Variants in BFAR observed in about 807,000 individuals in gnomAD.
The protein encoded by BFAR is RING finger protein 47.
A neutral mutation model predicts 54.4 loss-of-function variants in BFAR; 52 were observed. The ratio of observed to expected loss-of-function variants is 0.96; its 90% CI spans 0.77 to 1.21. BFAR has a LOEUF of 1.21. Among genes scored for constraint, BFAR ranks in the 50% most tolerant of loss-of-function variants. The pLI, the probability that BFAR is intolerant of heterozygous loss-of-function variation, is 0.00. For missense variants in BFAR, 571 were observed against 534.0 expected (o/e 1.07, Z -0.68); for synonymous variants, 215 against 204.3 (o/e 1.05, Z -0.45).
At chr16:14,651,365 A>G (rs1043694905) in intron 4 of BFAR, among the ~76,000 whole-genome samples, 1 of 152,214 alleles carries the variant, frequency 6.6e-6, no homozygotes, top group Non-Finnish European at 1.5e-5. Context: ...ACTTAGGGCA[A>G]GGTATGGGGG....
At chr16:14,662,119 G>T in intron 6 of BFAR, 54 bp downstream of exon 6, 1 of 1,595,702 alleles carries the variant, frequency 6.3e-7, no homozygotes, top group Non-Finnish European at 8.6e-7. Context: ...GTTATTTGCA[G>T]AGATTGCTAC....
chr16:14,667,787 T>C lies in BFAR; in HGVS notation c.1313T>C (p.Val438Ala). The C allele has an allele frequency of 1.2e-6, 2 of 1,614,168 alleles. No individual in the cohort carries two copies. Among genetic ancestry groups the C allele is most frequent in the Non-Finnish European group, 1.7e-6 (2 of 1,180,028 alleles). ...AACCCAATTATTAACATTGATCTTG[T>C]GGTCAAGGAACTCCGGCGGCTGGAA... ...YFNPIINIDL[V>A]VKELRRLETQ... is the part of the protein sequence containing the mutation. Residue 438 changes from valine to alanine, a missense_variant, in exon 8 of 8, where the codon GTG (valine) becomes GCG (alanine). Transcript: ENST00000261658.
chr16:14,664,970 G>C lies in BFAR; in HGVS notation c.1059G>C (p.Glu353Asp). ...CTGAGTTTGCTTGGGACTGGTTGGA[G>C]GTCCATTACTGGACATCACGGTTTC... ...LIAEFAWDWL[E>D]VHYWTSRFLI... The change falls in exon 7 of 8, where the codon GAG (glutamate) becomes GAC (aspartate). Residue 353 changes from glutamate to aspartate, a missense_variant. Physicochemically the swap from Glu to Asp is conservative, Grantham distance 45 (BLOSUM62 2). Transcript: ENST00000261658. 1 of 1,613,416 alleles carries C rather than the reference G, an allele frequency of 6.2e-7. No homozygotes were observed. The highest frequency in any genetic ancestry group is 2.2e-5 in the East Asian group (1 of 44,878).
intron 1 of BFAR, among the ~76,000 whole-genome samples, chr16:14,641,111 A>G (rs1959611374): frequency 6.6e-6 from 1 of 152,230 alleles, no homozygotes; most frequent in Non-Finnish European, 1.5e-5. Flanking sequence ...GAACTAAGTA[A>G]TTATTGCTTC....
At chr16:14,643,496 A>C (rs527470744) in intron 1 of BFAR, among the ~76,000 whole-genome samples, 2 of 152,314 alleles carry the variant, frequency 1.3e-5, no homozygotes, top group African/African-American at 4.8e-5. Flanking sequence ...CCAGAAAGAA[A>C]TTGAATGCTG....
chr16:14,664,229 A>G lies in BFAR; in HGVS notation c.958-640A>G, dbSNP rs142273455. Among the ~76,000 whole-genome samples, 152 of 152,112 alleles carry G rather than the reference A, an allele frequency of 1.0e-3. 1 individual carries two copies. The highest frequency in any genetic ancestry group is 3.4e-3 in the Middle Eastern group (1 of 294). On this transcript the variant is annotated intron_variant, in intron 6 of 7. Transcript: ENST00000261658. ...AAGGGGCATACATGCTTCAGAAGGG[A>G]TGTGCAGAACAATTGCTTAGGGTCG... is the stretch of plus-strand genomic sequence containing the variant.
intron 2 of BFAR, among the ~76,000 whole-genome samples, chr16:14,644,988 G>A (rs942408774): frequency 3.3e-5 from 5 of 152,160 alleles, no homozygotes; most frequent in African/African-American, 1.2e-4. Context: ...AGGAAAGAAA[G>A]AAAGTCTGGT....
intron 5 of BFAR, among the ~76,000 whole-genome samples, chr16:14,658,552 A>G (rs902549679): frequency 1.3e-5 from 2 of 152,112 alleles, no homozygotes; most frequent in African/African-American, 4.8e-5. Context: ...TAACACAGTG[A>G]AACCCCATCT....
rs80083173 is a variant in BFAR, at chr16:14,666,635, C to A, written c.1161-1000C>A. 9.2e-3 allele frequency among the ~76,000 whole-genome samples: 1,405 copies of A among 152,226 alleles called. 23 individuals are homozygous for A. Among genetic ancestry groups the A allele is most frequent in the African/African-American group, 0.032 (1,317 of 41,538 alleles). Reference sequence around the variant, plus strand: ...AAGGGACAGGCAGAAGTAACACTGCCACCCTTGCAGCCTTTTACCTTGACA... The same window carrying A: ...AAGGGACAGGCAGAAGTAACACTGCAACCCTTGCAGCCTTTTACCTTGACA... On this transcript the variant is annotated intron_variant, in intron 7 of 7. Coordinates refer to ENST00000261658, the MANE Select transcript of BFAR (RefSeq NM_016561.3).
At chr16:14,646,544 GC>G (rs1161711933) in intron 2 of BFAR, among the ~76,000 whole-genome samples, 1 of 150,574 alleles carries the variant, frequency 6.6e-6, no homozygotes, top group Non-Finnish European at 1.5e-5. Context: ...TGTTGCCCGG[GC>G]TGGAGTGCAT....
At chr16:14,667,442 C>T (rs920123840) in intron 7 of BFAR, 193 bp from the exon 8 acceptor site, 4 of 572,182 alleles carry the variant, frequency 7.0e-6, no homozygotes, top group African/African-American at 1.9e-5. Flanking sequence ...AAGAAGCTCC[C>T]TGTAGGTCAT....
At chr16:14,659,558 CT>C (rs1003575670) in intron 5 of BFAR, among the ~76,000 whole-genome samples, 12 of 132,326 alleles carry the variant, frequency 9.1e-5, no homozygotes, top group Non-Finnish European at 9.6e-5. Flanking sequence ...TAGTATACTT[CT>C]TTTTTTTTTG....
At chr16:14,665,522 T>C (rs1016886704) in intron 7 of BFAR, among the ~76,000 whole-genome samples, 4 of 152,168 alleles carry the variant, frequency 2.6e-5, no homozygotes, top group African/African-American at 9.6e-5. Context: ...AAGCCCTGTC[T>C]GTGTCTTGGA....
rs370320238 is a variant in BFAR at position 14,644,329 on chromosome 16, C to T, written c.-18C>T. 2.5e-6 allele frequency: 4 copies of T among 1,607,834 alleles called. No individual in the cohort carries two copies. The African/African-American group carries it at 5.4e-5, about 22-fold the overall frequency. Reference sequence around the variant, plus strand: ...TCTGAAATTTTTTATGTCTCTGGAACCCAGAATTTGCTAAGAGATGGAGGA... The same window carrying T: ...TCTGAAATTTTTTATGTCTCTGGAATCCAGAATTTGCTAAGAGATGGAGGA... On this transcript the variant is annotated 5_prime_UTR_variant, in exon 2 of 8. Coordinates refer to ENST00000261658, the MANE Select transcript of BFAR (RefSeq NM_016561.3).
At chr16:14,663,982 C>T (rs1174288260) in intron 6 of BFAR, among the ~76,000 whole-genome samples, 1 of 152,010 alleles carries the variant, frequency 6.6e-6, no homozygotes, top group East Asian at 1.9e-4. Context: ...TGGTTCACTC[C>T]TATAATCCAA....
chr16:14,663,652 C>A (rs549486991), intron 6 of BFAR, among the ~76,000 whole-genome samples: 2 of 152,048 alleles, frequency 1.3e-5, no homozygotes, highest in Non-Finnish European at 2.9e-5. Context: ...AATTTTTTAT[C>A]TGCTAATATG....
Position 14,667,614 on chromosome 16 carries a change from CCTCTT to C in BFAR, c.1161-13_1161-9del. On this transcript the variant is annotated splice_polypyrimidine_tract_variant and intron_variant, in intron 7 of 7. Coordinates refer to ENST00000261658, the MANE Select transcript of BFAR (RefSeq NM_016561.3). ...GTCATGAGAAGCGCCTCCGATTCAG[CCTCTT>C]CTCTTCTTGTTTCAGGACCGTGCCT... 3.1e-6 allele frequency: 5 copies of C among 1,605,900 alleles called. No individual in the cohort carries two copies. Among genetic ancestry groups the C allele is most frequent in the African/African-American group, 1.3e-5 (1 of 74,584 alleles).
intron 5 of BFAR, 35 bp from the exon 6 acceptor site, chr16:14,661,857 G>C: frequency 1.9e-6 from 3 of 1,608,286 alleles, no homozygotes; most frequent in Non-Finnish European, 2.6e-6. Context: ...GGCCGCCATG[G>C]TTGTAATGTG....
At chr16:14,664,390 CAAAAAAAAAA>C (rs753783830) in intron 6 of BFAR, among the ~76,000 whole-genome samples, 5 of 58,122 alleles carry the variant, frequency 8.6e-5, no homozygotes, top group East Asian at 5.3e-4. Flanking sequence ...GACTCCGTCT[CAAAAAAAAAA>C]AAAAAAAAAA....
Sources: gnomAD v4.1 joint callset for allele counts (sites outside exome capture counted in the v4.1 genomes callset) on GRCh38, gnomAD v4.1.1 for gene constraint, MANE v1.5 for transcripts, NCBI Gene and HGNC (gene_info 2026-07-23, HGNC 2026-07-21) for gene names.